Variants in GLE1 observed in about 807,000 individuals in gnomAD.
The protein encoded by GLE1 is mRNA export factor GLE1.
GLE1 carries 78 observed loss-of-function variants against 97.3 expected under a neutral mutation model. The observed-to-expected ratio is 0.80, with a 90% CI of 0.67 to 0.97. The LOEUF (loss-of-function observed/expected upper bound fraction) is 0.97, where lower values mean the gene tolerates loss of function less well. Ranked by LOEUF, GLE1 falls within the 50% of genes least tolerant of loss-of-function variation. The pLI is 0.00. For synonymous variants in GLE1, 302 were observed against 313.4 expected (o/e 0.96, Z 0.39); for missense variants, 753 against 857.5 (o/e 0.88, Z 1.52).
At chr9:128,518,713 C>CA (rs1261129946) in intron 3 of GLE1, among the ~76,000 whole-genome samples, 1 of 151,974 alleles carries the variant, frequency 6.6e-6, no homozygotes, top group Non-Finnish European at 1.5e-5. Context: ...ACTAAAAATA[C>CA]AAAAATTAGC....
intron 3 of GLE1, among the ~76,000 whole-genome samples, chr9:128,519,645 T>C (rs1479634897): frequency 7.0e-6 from 1 of 142,174 alleles, no homozygotes; most frequent in Non-Finnish European, 1.6e-5. Flanking sequence ...AATTTCACCC[T>C]GGTCCTGTGG....
chr9:128,510,572 A>G (rs575821306), intron 2 of GLE1, among the ~76,000 whole-genome samples: 1 of 131,054 alleles, frequency 7.6e-6, no homozygotes, highest in East Asian at 2.3e-4. Context: ...TCTGTCACCC[A>G]GGCTGGAGTA....
chr9:128,516,850 T>C (rs1847003762), intron 3 of GLE1, among the ~76,000 whole-genome samples: 1 of 150,944 alleles, frequency 6.6e-6, no homozygotes, highest in African/African-American at 2.4e-5. Flanking sequence ...GGTCTCAAAC[T>C]CCTGACCTCA....
At chr9:128,513,795 T>C (rs778848435) in intron 2 of GLE1, among the ~76,000 whole-genome samples, 1 of 150,990 alleles carries the variant, frequency 6.6e-6, no homozygotes, top group Non-Finnish European at 1.5e-5. Context: ...GGCGGGTGGA[T>C]CACGAGGTCA....
chr9:128,524,540 C>CTTTTT lies in GLE1; in HGVS notation c.898-627_898-623dup, dbSNP rs71381767. On this transcript the variant is annotated intron_variant, in intron 6 of 15. Transcript: ENST00000309971. ...GTACCTGCCCTGTTTCTTTGCTTTGCTTTTTTTTTTTTTTTTTTTTTTTTT... is the reference window on the plus strand; with the variant it reads ...GTACCTGCCCTGTTTCTTTGCTTTGCTTTTTTTTTTTTTTTTTTTTTTTTTTTTTT... 3.2e-3 allele frequency among the ~76,000 whole-genome samples: 125 copies of CTTTTT among 39,656 alleles called. 5 individuals are homozygous for CTTTTT. The highest frequency in any genetic ancestry group is 5.7e-3 in the Admixed American group (13 of 2,270). 26.0% of individuals were successfully genotyped at this position (39,656 alleles called of 152,430 possible). A position where few individuals can be genotyped will look rare whatever the true frequency, so the allele number is the denominator to read the frequency against.
chr9:128,513,747 T>C (rs1346796533), intron 2 of GLE1, among the ~76,000 whole-genome samples: 2 of 148,808 alleles, frequency 1.3e-5, no homozygotes, highest in Non-Finnish European at 1.5e-5. Context: ...CGGGGTGCGG[T>C]GGCTCACGCC....
At chr9:128,523,934 C>A (rs1179812146) in intron 6 of GLE1, 88 bp downstream of exon 6, 2 of 1,234,764 alleles carry the variant, frequency 1.6e-6, no homozygotes, top group African/African-American at 1.5e-5. Flanking sequence ...AAAGTAATAC[C>A]TGCTATCTGC....
In GLE1 at chr9:128,539,878, T is replaced by C. The variant is rs542646125; in HGVS notation, c.1964+180T>C. 4 of 1,499,204 alleles carry C rather than the reference T, an allele frequency of 2.7e-6. No individual in the cohort carries two copies. In the Admixed American group the frequency reaches 6.2e-5, roughly 23 times the overall value. The allele number at this position is 1,499,204 out of a possible 1,614,324, so 92.9% of individuals were successfully genotyped here. A position where few individuals can be genotyped will look rare whatever the true frequency, so the allele number is the denominator to read the frequency against. On this transcript the variant is annotated intron_variant, in intron 14 of 15. Coordinates refer to ENST00000309971, the MANE Select transcript of GLE1 (RefSeq NM_001003722.2). ...TTGAATAAATGCTTTTGAACCTTAA[T>C]GAGAGTCTGTCTTAAATATCATTGC... is the stretch of plus-strand genomic sequence containing the variant.
chr9:128,505,544 C>T (rs773937526), intron 1 of GLE1, among the ~76,000 whole-genome samples: 1 of 152,178 alleles, frequency 6.6e-6, no homozygotes, highest in African/African-American at 2.4e-5. Context: ...AAATACAGAC[C>T]TTACATTCTG....
Position 128,539,654 on chromosome 9 carries a change from G to A in GLE1, c.1920G>A (p.Gln640=). Residue 640 remains glutamine, a synonymous_variant, in exon 14 of 16, where the codon CAG becomes CAA. Coordinates refer to ENST00000309971, the MANE Select transcript of GLE1 (RefSeq NM_001003722.2). ...GNALMKQYQV[Q]FWKMLILIKE... is the part of the protein sequence containing the mutation. ...CCCTCATGAAGCAATACCAGGTTCA[G>A]TTCTGGAAGATGCTAATTCTCATCA... 1 of 1,612,210 alleles carries A rather than the reference G, an allele frequency of 6.2e-7. No individual in the cohort carries two copies. The highest frequency in any genetic ancestry group is 1.1e-5 in the South Asian group (1 of 91,050).
chr9:128,536,695 AAC>A (rs762919556), intron 12 of GLE1: 3 of 512,432 alleles, frequency 5.9e-6, no homozygotes, highest in Non-Finnish European at 1.1e-5. Context: ...CTGGTTTTGT[AAC>A]AGAGTCTACC....
chr9:128,520,524 A>G (rs184778352), intron 3 of GLE1, among the ~76,000 whole-genome samples: 1 of 151,696 alleles, frequency 6.6e-6, no homozygotes, highest in East Asian at 1.9e-4. Context: ...AGGGGAAGAC[A>G]GCAAGAGTTG....
chr9:128,511,063 G>A (rs1198429071), intron 2 of GLE1, among the ~76,000 whole-genome samples: 2 of 150,984 alleles, frequency 1.3e-5, no homozygotes, highest in Non-Finnish European at 1.5e-5. Context: ...AATTAGCTGG[G>A]CGTCGTGGCG....
At chr9:128,520,121 A>G (rs906162806) in intron 3 of GLE1, among the ~76,000 whole-genome samples, 3 of 152,048 alleles carry the variant, frequency 2.0e-5, no homozygotes, top group African/African-American at 7.2e-5. Flanking sequence ...GTGGTGGCAC[A>G]TGCCTGTAAA....
In GLE1 at chr9:128,542,017, C is replaced by G. The variant is rs1847893547; in HGVS notation, c.*847C>G. 1 of 152,190 alleles carries G rather than the reference C, an allele frequency of 6.6e-6. No homozygotes were observed. Among genetic ancestry groups the G allele is most frequent in the African/African-American group, 2.4e-5 (1 of 41,436 alleles). The allele number at this position is 152,190 out of a possible 1,614,324, so 9.4% of individuals were successfully genotyped here. A position where few individuals can be genotyped will look rare whatever the true frequency, so the allele number is the denominator to read the frequency against. ...AAAGATGTTGGGCAGGAACTGAACACTGCTAATATGATGATAAATATGCCT... is the reference window on the plus strand; with the variant it reads ...AAAGATGTTGGGCAGGAACTGAACAGTGCTAATATGATGATAAATATGCCT... On this transcript the variant is annotated 3_prime_UTR_variant, in exon 16 of 16. Transcript: ENST00000309971.
intron 1 of GLE1, among the ~76,000 whole-genome samples, chr9:128,505,407 A>G (rs1224167146): frequency 6.6e-6 from 1 of 152,196 alleles, no homozygotes; most frequent in Non-Finnish European, 1.5e-5. Flanking sequence ...TGGAGAGTTA[A>G]GGCCGAGCTC....
intron 9 of GLE1, among the ~76,000 whole-genome samples, chr9:128,532,085 CT>C (rs1347218782): frequency 1.3e-5 from 2 of 149,270 alleles, no homozygotes; most frequent in Non-Finnish European, 3.0e-5. Context: ...ATTTCTGAAA[CT>C]TTTGTGACAT....
intron 15 of GLE1, 103 bp from the exon 16 acceptor site, chr9:128,540,999 T>C: frequency 1.3e-6 from 1 of 794,170 alleles, no homozygotes; most frequent in Admixed American, 1.7e-5. Context: ...CACTGTTCCA[T>C]AGGGCTGAAA....
Position 128,531,290 on chromosome 9 carries a change from G to A in GLE1, c.1313-2223G>A, listed in dbSNP as rs546713891. On this transcript the variant is annotated intron_variant, in intron 9 of 15. Transcript: ENST00000309971. Reference sequence around the variant, plus strand: ...CACTTGTAGTCCCAGCACTTTAGGCGGCTGAGGTGGGTGAATCATAGGAGG... The same window carrying A: ...CACTTGTAGTCCCAGCACTTTAGGCAGCTGAGGTGGGTGAATCATAGGAGG... Among the ~76,000 whole-genome samples, 12 of 151,736 alleles carry A rather than the reference G, an allele frequency of 7.9e-5. No homozygotes were observed. In the South Asian group the frequency reaches 2.1e-3, roughly 26 times the overall value.
Sources: allele counts gnomAD v4.1 joint callset (sites outside exome capture counted in the v4.1 genomes callset), GRCh38; gene constraint gnomAD v4.1.1; transcripts MANE v1.5; gene names NCBI Gene and HGNC (gene_info 2026-07-23, HGNC 2026-07-21).